The following LRRIQ3 variants were observed in gnomAD, a reference collection of about 807,000 sequenced individuals.
LRRIQ3 encodes leucine rich repeats and IQ motif containing 3.
In LRRIQ3, 75 loss-of-function variants were observed where a neutral mutation model predicts 59.3. That is an observed-to-expected ratio of 1.26 (90% CI 1.05 to 1.53). LRRIQ3 has a LOEUF of 1.53. Among genes scored for constraint, LRRIQ3 ranks in the 40% most tolerant of loss-of-function variants. The probability of loss-of-function intolerance (pLI) is 0.00; values close to 1 mark genes in which losing one functional copy is unlikely to be tolerated. For synonymous variants in LRRIQ3, 250 were observed against 231.3 expected (o/e 1.08, Z -0.73); for missense variants, 831 against 710.0 (o/e 1.17, Z -1.94).
chr1:74,043,548 A>G (rs1379581578), intron 6 of LRRIQ3, among the ~76,000 whole-genome samples: 1 of 152,146 alleles, frequency 6.6e-6, no homozygotes, highest in South Asian at 2.1e-4. Flanking sequence ...GTCCAGAAAT[A>G]AACACTAAAT....
At chr1:74,118,991 TA>T (rs1646814856) in intron 4 of LRRIQ3, among the ~76,000 whole-genome samples, 1 of 152,152 alleles carries the variant, frequency 6.6e-6, no homozygotes, top group African/African-American at 2.4e-5. Context: ...ATTTAAATGT[TA>T]ATCACATCTA....
chr1:74,089,439 T>G (rs1033995314), intron 5 of LRRIQ3, among the ~76,000 whole-genome samples: 1 of 152,062 alleles, frequency 6.6e-6, no homozygotes, highest in Admixed American at 6.6e-5. Context: ...ATGTGGCATA[T>G]CCATACAATG....
At chr1:74,161,674 T>C (rs1483790) in intron 3 of LRRIQ3, among the ~76,000 whole-genome samples, 44,140 of 151,764 alleles carry the variant, frequency 0.29, 7,264 homozygotes, top group Middle Eastern at 0.44. Flanking sequence ...TAAGCTCATA[T>C]TGCAGTTTAC....
rs76990563 is a variant in LRRIQ3 at position 74,043,390 on chromosome 1, C to T, written c.998-1457G>A. On this transcript the variant is annotated intron_variant, in intron 6 of 7. Coordinates refer to ENST00000354431, the MANE Select transcript of LRRIQ3 (RefSeq NM_001105659.2). ...AGAAGGGCAGGGCTTGTAGTCTAGA[C>T]GGACAGTAGAAAATAATTGAATAGG... Among the ~76,000 whole-genome samples the T allele has an allele frequency of 3.9e-3, 591 of 152,112 alleles. 5 individuals carry two copies. Among genetic ancestry groups the T allele is most frequent in the African/African-American group, 0.013 (550 of 41,516 alleles).
chr1:74,080,904 T>C (rs976758140), intron 5 of LRRIQ3, among the ~76,000 whole-genome samples: 5 of 151,550 alleles, frequency 3.3e-5, no homozygotes, highest in Admixed American at 1.3e-4. Flanking sequence ...AGAGTAGCAC[T>C]TGGACTCTGC....
chr1:74,089,278 T>A (rs960885731), intron 5 of LRRIQ3, among the ~76,000 whole-genome samples: 15 of 152,098 alleles, frequency 9.9e-5, no homozygotes, highest in Non-Finnish European at 2.2e-4. Flanking sequence ...AGTGTAGAAT[T>A]ACCATATCAT....
intron 7 of LRRIQ3, among the ~76,000 whole-genome samples, chr1:74,030,493 A>G (rs1653670071): frequency 6.6e-6 from 1 of 152,222 alleles, no homozygotes; most frequent in African/African-American, 2.4e-5. Flanking sequence ...CAAACCTGAC[A>G]AAAACAATAA....
At chr1:74,034,635 GAC>G (rs10567002) in intron 7 of LRRIQ3, among the ~76,000 whole-genome samples, 114,638 of 146,842 alleles carry the variant, frequency 0.78, 46,854 homozygotes, top group East Asian at 0.94. Flanking sequence ...AGCACACACA[GAC>G]ACACACACAC....
chr1:74,063,613 G>C (rs1570053209), intron 6 of LRRIQ3, among the ~76,000 whole-genome samples: 1 of 151,974 alleles, frequency 6.6e-6, no homozygotes, highest in Non-Finnish European at 1.5e-5. Flanking sequence ...TATTCCTAAA[G>C]TGTTGACTCT....
intron 6 of LRRIQ3, among the ~76,000 whole-genome samples, chr1:74,061,027 A>G (rs758148911): frequency 1.6e-4 from 24 of 152,098 alleles, no homozygotes; most frequent in Non-Finnish European, 2.8e-4. Context: ...GCTGGCAGGG[A>G]AAGCTGCTTA....
intron 4 of LRRIQ3, among the ~76,000 whole-genome samples, chr1:74,129,734 A>G (rs1385011317): frequency 6.6e-6 from 1 of 152,018 alleles, no homozygotes; most frequent in Non-Finnish European, 1.5e-5. Context: ...ACCAAGGCCC[A>G]CCATGAGTAC....
chr1:74,146,014 C>A (rs1315840863), intron 4 of LRRIQ3, among the ~76,000 whole-genome samples: 1 of 152,038 alleles, frequency 6.6e-6, no homozygotes, highest in Non-Finnish European at 1.5e-5. Flanking sequence ...TTTAGATACA[C>A]AAATATTTAT....
At chr1:74,161,699 TCTCA>T (rs1010940038) in intron 3 of LRRIQ3, among the ~76,000 whole-genome samples, 1 of 151,846 alleles carries the variant, frequency 6.6e-6, no homozygotes, top group African/African-American at 2.4e-5. Context: ...GAGTCCTGCT[TCTCA>T]CTGAGTCATG....
At chr1:74,130,192 G>C (rs1646992147) in intron 4 of LRRIQ3, among the ~76,000 whole-genome samples, 1 of 152,016 alleles carries the variant, frequency 6.6e-6, no homozygotes, top group Admixed American at 6.6e-5. Flanking sequence ...AGACTTTGTG[G>C]TCTAGACTGC....
intron 4 of LRRIQ3, among the ~76,000 whole-genome samples, chr1:74,117,721 G>A (rs917112635): frequency 2.6e-5 from 4 of 151,982 alleles, no homozygotes; most frequent in East Asian, 3.9e-4. Context: ...AGCTGAGATC[G>A]CACCACCGCA....
intron 7 of LRRIQ3, among the ~76,000 whole-genome samples, chr1:74,036,751 G>A (rs980785396): frequency 6.6e-6 from 1 of 152,084 alleles, no homozygotes; most frequent in Non-Finnish European, 1.5e-5. Context: ...TCAAGAGCTA[G>A]AAATGAATTA....
chr1:74,029,773 G>A (rs1473106491), intron 7 of LRRIQ3, among the ~76,000 whole-genome samples: 2 of 152,010 alleles, frequency 1.3e-5, no homozygotes, highest in Non-Finnish European at 1.5e-5. Flanking sequence ...GGAAGAAATG[G>A]TACCAGCTCC....
Position 74,105,296 on chromosome 1 carries a change from G to A in LRRIQ3, c.867+4098C>T, listed in dbSNP as rs1287263638. ...TGAGACAGTCTTGCTCTTTTGCCCA[G>A]GCTGGAGTGCAGTGGTGTGATCTTT... On this transcript the variant is annotated intron_variant, in intron 5 of 7. Coordinates refer to ENST00000354431, the MANE Select transcript of LRRIQ3 (RefSeq NM_001105659.2). Among the ~76,000 whole-genome samples, 32 of 150,768 alleles carry A rather than the reference G, an allele frequency of 2.1e-4. 1 individual carries two copies. Among genetic ancestry groups the A allele is most frequent in the Non-Finnish European group, 1.5e-5 (1 of 67,732 alleles).
chr1:74,087,469 G>A (rs181932743), intron 5 of LRRIQ3, among the ~76,000 whole-genome samples: 4 of 123,620 alleles, frequency 3.2e-5, no homozygotes, highest in East Asian at 2.5e-4. Context: ...TTATATAAAC[G>A]TATTGGTCTC....
Sources: allele counts gnomAD v4.1 joint callset (sites outside exome capture counted in the v4.1 genomes callset), GRCh38; gene constraint gnomAD v4.1.1; transcripts MANE v1.5; gene names NCBI Gene and HGNC (gene_info 2026-07-23, HGNC 2026-07-21).